CRYBA4: variants seen among roughly 807,000 people sequenced by gnomAD.
The protein encoded by CRYBA4 is beta-crystallin A4.
Under a neutral mutation model 31.7 loss-of-function variants are expected in CRYBA4, and 30 were observed. That is an observed-to-expected ratio of 0.95 (90% CI 0.71 to 1.28). The LOEUF (loss-of-function observed/expected upper bound fraction) is 1.28, where lower values mean the gene tolerates loss of function less well. CRYBA4 is among the 50% of genes most tolerant of loss of function. The pLI, the probability that CRYBA4 is intolerant of heterozygous loss-of-function variation, is 0.00. For missense variants in CRYBA4, 225 were observed against 260.7 expected (o/e 0.86, Z 0.94); for synonymous variants, 102 against 102.3 (o/e 1.00, Z 0.02).
rs372922337 is a variant in CRYBA4, at chr22:26,625,584, G to T, written c.262G>T (p.Ala88Ser). The change falls in exon 4 of 6, where the codon GCC becomes TCC. Residue 88 changes from alanine (A) to serine (S), a missense_variant. By Grantham distance (99) the Ala-to-Ser change is moderately conservative (BLOSUM62 1). Coordinates refer to ENST00000354760, the MANE Select transcript of CRYBA4 (RefSeq NM_001886.3). ...CTGGGGCGGCAACACGGCCTACCCCGCCGAGAGGCTCACCTCCTTCCGGCC... is the reference window on the plus strand; with the variant it reads ...CTGGGGCGGCAACACGGCCTACCCCTCCGAGAGGCTCACCTCCTTCCGGCC... ...DAWGGNTAYPAERLTSFRPAA... is the reference protein window; with the variant it reads ...DAWGGNTAYPSERLTSFRPAA... The T allele has an allele frequency of 3.7e-6, 6 of 1,613,802 alleles. No individual in the cohort carries two copies. In the Admixed American group the frequency reaches 8.3e-5, roughly 22 times the overall value.
upstream of CRYBA4, among the ~76,000 whole-genome samples, chr22:26,621,598 T>C (rs999714041): frequency 6.6e-6 from 1 of 152,184 alleles, no homozygotes; most frequent in Admixed American, 6.5e-5. Flanking sequence ...TGTGATATGG[T>C]TTGTTTCTGC....
At chr22:26,595,450 A>G in the CRYBA4 span, among the ~76,000 whole-genome samples, 1 of 152,068 alleles carries the variant, frequency 6.6e-6, no homozygotes. Context: ...ATGGTGGCGC[A>G]TGCCTATAAT....
intron 2 of CRYBA4, among the ~76,000 whole-genome samples, chr22:26,622,931 C>G (rs1043420522): frequency 5.9e-5 from 9 of 152,170 alleles, no homozygotes; most frequent in African/African-American, 2.2e-4. Context: ...TTATCATCAG[C>G]CTTTAAAAGC....
chr22:26,623,328 G>GA lies in CRYBA4; in HGVS notation c.135dup (p.Ser46IlefsTer13). 3 of 1,614,048 alleles carry GA rather than the reference G, an allele frequency of 1.9e-6. No homozygotes were observed. Among genetic ancestry groups the GA allele is most frequent in the Non-Finnish European group, 2.5e-6 (3 of 1,179,968 alleles). ...CTGGAGCTTGGCTTCGAGACTGTGC[G>GA]ATCTTTGAAAGTGCTGAGTGGAGCG... On this transcript the variant is annotated frameshift_variant, in exon 3 of 6. Coordinates refer to ENST00000354760, the MANE Select transcript of CRYBA4 (RefSeq NM_001886.3). LOFTEE classifies it high-confidence loss of function.
chr22:26,609,248 A>G, the CRYBA4 span, among the ~76,000 whole-genome samples: 2 of 152,336 alleles, frequency 1.3e-5, no homozygotes, highest in Non-Finnish European at 2.9e-5. Context: ...CAGGAGCCTC[A>G]GGTCTTTGTC....
upstream of CRYBA4, among the ~76,000 whole-genome samples, chr22:26,617,135 A>G (rs1929382736): frequency 6.6e-6 from 1 of 151,872 alleles, no homozygotes; most frequent in South Asian, 2.1e-4. Context: ...AAGAGGATGT[A>G]TTTACTGCAT....
chr22:26,619,820 G>GC (rs1569209220), upstream of CRYBA4, among the ~76,000 whole-genome samples: 1 of 152,122 alleles, frequency 6.6e-6, no homozygotes, highest in Non-Finnish European at 1.5e-5. Flanking sequence ...GCAGTTCCGT[G>GC]CCCCCCCTAA....
upstream of CRYBA4, among the ~76,000 whole-genome samples, chr22:26,619,899 C>T (rs1007662952): frequency 5.3e-5 from 8 of 152,178 alleles, no homozygotes; most frequent in Admixed American, 1.3e-4. Context: ...ATGTTGGTGG[C>T]TCCACTCTGA....
chr22:26,599,821 GC>G, the CRYBA4 span: 67 of 726,738 alleles, frequency 9.2e-5, no homozygotes, highest in Admixed American at 5.1e-4. Context: ...CCTGCTCTGT[GC>G]CCTGGGGCAA....
chr22:26,614,957 T>G, the CRYBA4 span, among the ~76,000 whole-genome samples: 3 of 152,144 alleles, frequency 2.0e-5, no homozygotes, highest in African/African-American at 7.2e-5. Context: ...AGGACAGTAT[T>G]TCCTGGAGTT....
the CRYBA4 span, among the ~76,000 whole-genome samples, chr22:26,600,287 A>G: frequency 6.6e-6 from 1 of 152,118 alleles, no homozygotes; most frequent in Non-Finnish European, 1.5e-5. Context: ...CTGTAGTCCC[A>G]GCTACTCGGG....
At chr22:26,605,884 G>A in the CRYBA4 span, among the ~76,000 whole-genome samples, 1 of 152,042 alleles carries the variant, frequency 6.6e-6, no homozygotes, top group Non-Finnish European at 1.5e-5. Context: ...CCAGGACTGT[G>A]GCAGGGCAGA....
the CRYBA4 span, among the ~76,000 whole-genome samples, chr22:26,615,523 T>C: frequency 7.3e-6 from 1 of 136,604 alleles, no homozygotes; most frequent in Admixed American, 7.3e-5. Context: ...TATTCTTTTC[T>C]TTTTTTTTTT....
chr22:26,617,897 A>C (rs1297632657), upstream of CRYBA4: 4 of 152,510 alleles, frequency 2.6e-5, no homozygotes, highest in Non-Finnish European at 5.9e-5. Context: ...TGGCACTGCT[A>C]TCTCTGCCTC....
At chr22:26,603,568 G>A in the CRYBA4 span, among the ~76,000 whole-genome samples, 65 of 151,102 alleles carry the variant, frequency 4.3e-4, no homozygotes, top group African/African-American at 1.5e-3. Flanking sequence ...CTATTGCTTC[G>A]TGGGATTGTC....
the CRYBA4 span, among the ~76,000 whole-genome samples, chr22:26,605,751 A>T: frequency 0.017 from 1,432 of 83,076 alleles, 9 homozygotes; most frequent in Non-Finnish European, 0.023. Context: ...GGTCAGGTTT[A>T]TTTTTTTTTT....
the CRYBA4 span, among the ~76,000 whole-genome samples, chr22:26,599,122 C>A: frequency 6.6e-6 from 1 of 152,292 alleles, no homozygotes; most frequent in East Asian, 1.9e-4. Context: ...GCACGAATGC[C>A]CTGGCTGGAC....
chr22:26,594,401 G>A, the CRYBA4 span, among the ~76,000 whole-genome samples: 1 of 152,150 alleles, frequency 6.6e-6, no homozygotes, highest in Non-Finnish European at 1.5e-5. Flanking sequence ...CCGGCGTTGG[G>A]CTTATGCTCC....
At chr22:26,605,331 G>A in the CRYBA4 span, among the ~76,000 whole-genome samples, 1 of 152,170 alleles carries the variant, frequency 6.6e-6, no homozygotes, top group Admixed American at 6.5e-5. Flanking sequence ...GACCTAGTCT[G>A]TTTGATGCAC....
Sources: allele counts gnomAD v4.1 joint callset (sites outside exome capture counted in the v4.1 genomes callset), GRCh38; gene constraint gnomAD v4.1.1; transcripts MANE v1.5; gene names NCBI Gene and HGNC (gene_info 2026-07-23, HGNC 2026-07-21).